The following OPA1 variants were observed in gnomAD, a reference collection of about 807,000 sequenced individuals.
OPA1 encodes the protein dynamin-like GTPase OPA1, mitochondrial.
Under a neutral mutation model 152.9 loss-of-function variants are expected in OPA1, and 59 were observed. The observed-to-expected ratio is 0.39, with a 90% confidence interval of 0.31 to 0.48. The LOEUF is 0.48. Among genes scored for constraint, OPA1 ranks in the 20% least tolerant of loss-of-function variants. The pLI is 0.96. For missense variants in OPA1, 1,008 were observed against 1,216.8 expected (o/e 0.83, Z 2.55); for synonymous variants, 400 against 389.9 (o/e 1.03, Z -0.31).
At chr3:193,628,935 C>A (rs926266174) in intron 7 of OPA1, among the ~76,000 whole-genome samples, 1 of 151,738 alleles carries the variant, frequency 6.6e-6, no homozygotes, top group African/African-American at 2.4e-5. Flanking sequence ...TTTTTTGAGA[C>A]GGAGTTTCGC....
intron 6 of OPA1, 43 bp downstream of exon 6, chr3:193,618,979 AT>A (rs751938009): frequency 5.3e-6 from 8 of 1,509,970 alleles, no homozygotes; most frequent in Admixed American, 1.7e-5. Context: ...GTCTTGAAAG[AT>A]TTTTTAAAGT....
intron 21 of OPA1, among the ~76,000 whole-genome samples, chr3:193,653,840 C>A (rs556023451): frequency 6.6e-6 from 1 of 152,026 alleles, no homozygotes; most frequent in African/African-American, 2.4e-5. Context: ...AGAAATACAA[C>A]GTAAAACCAC....
In OPA1 at chr3:193,647,991, A is replaced by C. The variant is rs1165177719; in HGVS notation, c.1871-79A>C. The C allele has an allele frequency of 1.4e-5, 13 of 943,238 alleles. 1 individual carries two copies. Among genetic ancestry groups the C allele is most frequent in the Non-Finnish European group, 2.1e-5 (12 of 573,452 alleles). The allele number at this position is 943,238 out of a possible 1,614,324, so 58.4% of individuals were successfully genotyped here. A position where few individuals can be genotyped will look rare whatever the true frequency, so the allele number is the denominator to read the frequency against. ...CTCAGAAATTCAGTTAATACAGAGG[A>C]TATGTATTTTAACCACTTTAACCAC... On this transcript the variant is annotated intron_variant, in intron 19 of 30. Transcript: ENST00000361510.
intron 27 of OPA1, among the ~76,000 whole-genome samples, chr3:193,666,092 A>T (rs1330232910): frequency 1.3e-5 from 2 of 152,220 alleles, no homozygotes; most frequent in African/African-American, 4.8e-5. Flanking sequence ...TAGGTGTCAG[A>T]CAGATATAAG....
rs565596648 is a variant in OPA1 at position 193,676,974 on chromosome 3, C to T, written c.2983+9694C>T. ...CCAGCCTGGGTGACAGAGCAAGACTCGTCTCAAAAAAAAAAAAAAAAAAAA... is the reference window on the plus strand; with the variant it reads ...CCAGCCTGGGTGACAGAGCAAGACTTGTCTCAAAAAAAAAAAAAAAAAAAA... On this transcript the variant is annotated intron_variant, in intron 29 of 30. Coordinates refer to ENST00000361510, the MANE Select transcript of OPA1 (RefSeq NM_130837.3). 1.2e-4 allele frequency among the ~76,000 whole-genome samples: 11 copies of T among 93,476 alleles called. No homozygotes were observed. The East Asian group carries it at 1.8e-3, about 15-fold the overall frequency. The allele number at this position is 93,476 out of a possible 152,430, so 61.3% of individuals were successfully genotyped here. A position where few individuals can be genotyped will look rare whatever the true frequency, so the allele number is the denominator to read the frequency against.
At chr3:193,621,660 C>T (rs1730108315) in intron 6 of OPA1, among the ~76,000 whole-genome samples, 2 of 152,124 alleles carry the variant, frequency 1.3e-5, no homozygotes, top group Non-Finnish European at 2.9e-5. Flanking sequence ...TTTAACCTTA[C>T]ACTACTATCT....
intron 6 of OPA1, among the ~76,000 whole-genome samples, chr3:193,620,474 A>G (rs1267742850): frequency 6.6e-6 from 1 of 152,218 alleles, no homozygotes; most frequent in Non-Finnish European, 1.5e-5. Flanking sequence ...TATACAGTAG[A>G]CATGGAATTA....
At chr3:193,598,802 A>G (rs1726011185) in intron 1 of OPA1, among the ~76,000 whole-genome samples, 1 of 152,224 alleles carries the variant, frequency 6.6e-6, no homozygotes, top group African/African-American at 2.4e-5. Flanking sequence ...AAAATTCATA[A>G]TTTGCCCTAA....
At chr3:193,623,400 T>G (rs564186453) in intron 6 of OPA1, among the ~76,000 whole-genome samples, 34 of 152,286 alleles carry the variant, frequency 2.2e-4, no homozygotes, top group African/African-American at 7.7e-4. Context: ...TTTTCATTGA[T>G]ATTTTGGTTT....
intron 29 of OPA1, among the ~76,000 whole-genome samples, chr3:193,672,739 G>A (rs1363583901): frequency 6.6e-6 from 1 of 152,004 alleles, no homozygotes; most frequent in East Asian, 1.9e-4. Context: ...CATGGTGGCA[G>A]GCGCCTGTAA....
intron 29 of OPA1, among the ~76,000 whole-genome samples, chr3:193,685,791 A>T (rs1326615498): frequency 6.6e-6 from 1 of 152,238 alleles, no homozygotes; most frequent in Non-Finnish European, 1.5e-5. Flanking sequence ...TTAAAAGATG[A>T]AGTATATAAT....
chr3:193,626,514 A>T (rs924024658), intron 7 of OPA1, among the ~76,000 whole-genome samples: 1 of 152,154 alleles, frequency 6.6e-6, no homozygotes, highest in South Asian at 2.1e-4. Context: ...AGTCACCCTA[A>T]GTTTGTAGGC....
At chr3:193,670,281 A>G (rs1340814763) in intron 29 of OPA1, among the ~76,000 whole-genome samples, 2 of 152,172 alleles carry the variant, frequency 1.3e-5, no homozygotes, top group African/African-American at 2.4e-5. Context: ...TCAGCCTGTT[A>G]CAGAATATTG....
chr3:193,610,772 G>A (rs1728101679), intron 1 of OPA1, among the ~76,000 whole-genome samples: 1 of 152,236 alleles, frequency 6.6e-6, no homozygotes, highest in Non-Finnish European at 1.5e-5. Flanking sequence ...CCACCTTGCA[G>A]TTTGATCTCA....
At chr3:193,616,264 T>G (rs562296113) in intron 3 of OPA1, among the ~76,000 whole-genome samples, 1 of 152,302 alleles carries the variant, frequency 6.6e-6, no homozygotes, top group East Asian at 1.9e-4. Flanking sequence ...CACCTCAGCC[T>G]CTCAAAGCAC....
At position 193,667,243 on chromosome 3, in the gene OPA1, G is replaced by A; in HGVS notation, c.2946G>A (p.Leu982=). 1 of 1,604,390 alleles carries A rather than the reference G, an allele frequency of 6.2e-7. No homozygotes were observed. Among genetic ancestry groups the A allele is most frequent in the African/African-American group, 1.3e-5 (1 of 74,846 alleles). Residue 982 remains leucine (L), a synonymous_variant, in exon 29 of 31, where the codon TTG becomes TTA. Coordinates refer to ENST00000361510, the MANE Select transcript of OPA1 (RefSeq NM_130837.3). ...FAEDGEKKIK[L]LTGKRVQLAE... ...AAGATGGTGAGAAGAAGATTAAATT[G>A]CTTACTGGTAAACGCGTTCAACTGG...
At chr3:193,629,446 C>T (rs1024728773) in intron 7 of OPA1, among the ~76,000 whole-genome samples, 1 of 151,838 alleles carries the variant, frequency 6.6e-6, no homozygotes, top group African/African-American at 2.4e-5. Context: ...CGCCTGTAAT[C>T]CCAGCACTTT....
intron 1 of OPA1, among the ~76,000 whole-genome samples, chr3:193,604,380 A>T (rs926830120): frequency 6.6e-6 from 1 of 152,218 alleles, no homozygotes; most frequent in Admixed American, 6.5e-5. Context: ...GTGAGCTCAT[A>T]CAGTGGTGAA....
intron 1 of OPA1, 74 bp downstream of exon 1, chr3:193,593,483 C>G: frequency 3.6e-6 from 5 of 1,375,208 alleles, no homozygotes; most frequent in Non-Finnish European, 4.8e-6. Flanking sequence ...TCTCTATCTC[C>G]AAAAATGTGC....
Sources: gnomAD v4.1 joint callset for allele counts (sites outside exome capture counted in the v4.1 genomes callset) on GRCh38, gnomAD v4.1.1 for gene constraint, MANE v1.5 for transcripts, NCBI Gene and HGNC (gene_info 2026-07-23, HGNC 2026-07-21) for gene names.